Variants in DLG2 observed in about 807,000 individuals in gnomAD.
DLG2 encodes disks large homolog 2.
Under a neutral mutation model 132.5 loss-of-function variants are expected in DLG2, and 45 were observed. The observed-to-expected ratio is 0.34, with a 90% CI of 0.27 to 0.44. DLG2 has a LOEUF of 0.44. Among genes scored for constraint, DLG2 ranks in the 20% least tolerant of loss-of-function variants. DLG2 has a pLI of 1.00. For synonymous variants in DLG2, 424 were observed against 419.6 expected (o/e 1.01, Z -0.13); for missense variants, 1,045 against 1,196.9 (o/e 0.87, Z 1.87).
At chr11:84,098,721 TACCTAC>T (rs1161235354) in intron 10 of DLG2, among the ~76,000 whole-genome samples, 196 bp downstream of exon 10, 1 of 152,198 alleles carries the variant, frequency 6.6e-6, no homozygotes, top group Admixed American at 6.5e-5. Flanking sequence ...TTCAATGTGG[TACCTAC>T]CAACGAACAC....
intron 6 of DLG2, among the ~76,000 whole-genome samples, chr11:84,736,086 T>G (rs966213613): frequency 6.6e-6 from 1 of 151,914 alleles, no homozygotes; most frequent in Non-Finnish European, 1.5e-5. Context: ...TGATATGAGG[T>G]ATGGATCCAA....
At chr11:84,994,343 A>T (rs745758459) in intron 6 of DLG2, among the ~76,000 whole-genome samples, 3 of 152,218 alleles carry the variant, frequency 2.0e-5, no homozygotes, top group Non-Finnish European at 4.4e-5. Context: ...CATTCCTGTA[A>T]CACCAGAATT....
At chr11:85,149,922 T>C (rs72961546) in intron 5 of DLG2, among the ~76,000 whole-genome samples, 9,192 of 151,892 alleles carry the variant, frequency 0.061, 440 homozygotes, top group African/African-American at 0.13. Flanking sequence ...CTACTCTATA[T>C]TGCCTTTAAA....
intron 15 of DLG2, among the ~76,000 whole-genome samples, chr11:83,903,495 T>C (rs1473934249): frequency 6.6e-6 from 1 of 152,088 alleles, no homozygotes; most frequent in Non-Finnish European, 1.5e-5. Context: ...TCTCAGAAAA[T>C]GTTTCTGGTA....
intron 7 of DLG2, among the ~76,000 whole-genome samples, chr11:84,500,679 G>C (rs1330695668): frequency 1.3e-5 from 2 of 152,090 alleles, no homozygotes; most frequent in African/African-American, 4.8e-5. Context: ...TTTTGAATTG[G>C]AGACAAAAAA....
rs138661759 is a variant in DLG2 at position 84,536,111 on chromosome 11, G to C, written c.358-1380C>G. 7.4e-3 allele frequency among the ~76,000 whole-genome samples: 1,123 copies of C among 152,212 alleles called. 7 individuals carry two copies. The highest frequency in any genetic ancestry group is 0.011 in the Non-Finnish European group (749 of 68,008). On this transcript the variant is annotated intron_variant, in intron 6 of 27. Coordinates refer to ENST00000376104, the MANE Select transcript of DLG2 (RefSeq NM_001142699.3). ...ACTTATACTTTCTGGGGCAAGGTAGGCTTTCTTCAATGTCCCAAGTAATAT... is the reference window on the plus strand; with the variant it reads ...ACTTATACTTTCTGGGGCAAGGTAGCCTTTCTTCAATGTCCCAAGTAATAT...
intron 7 of DLG2, among the ~76,000 whole-genome samples, chr11:84,474,737 T>C (rs1221387468): frequency 1.2e-4 from 19 of 152,072 alleles, no homozygotes; most frequent in Admixed American, 1.2e-3. Flanking sequence ...ATTTTACAAC[T>C]ATGATCTTAT....
chr11:85,093,277 A>G (rs1246974788), intron 6 of DLG2, among the ~76,000 whole-genome samples: 1 of 150,544 alleles, frequency 6.6e-6, no homozygotes, highest in Non-Finnish European at 1.5e-5. Context: ...CAGAAGTCAT[A>G]CACAATTCAA....
At chr11:84,006,681 G>T (rs938227009) in intron 11 of DLG2, among the ~76,000 whole-genome samples, 32 of 151,198 alleles carry the variant, frequency 2.1e-4, no homozygotes, top group African/African-American at 7.8e-4. Context: ...TAAAGATATG[G>T]CAAATTATAT....
chr11:84,710,094 A>G (rs1036562066), intron 6 of DLG2, among the ~76,000 whole-genome samples: 2 of 151,914 alleles, frequency 1.3e-5, no homozygotes, highest in South Asian at 2.1e-4. Flanking sequence ...ATAACTTCCA[A>G]ATGAATAGCG....
intron 3 of DLG2, among the ~76,000 whole-genome samples, chr11:85,476,121 T>C (rs941938012): frequency 2.6e-5 from 4 of 152,168 alleles, no homozygotes; most frequent in African/African-American, 9.6e-5. Flanking sequence ...CTACATGGTA[T>C]AGCCTATCGC....
chr11:85,036,998 G>A (rs1221688932), intron 6 of DLG2, among the ~76,000 whole-genome samples: 1 of 152,184 alleles, frequency 6.6e-6, no homozygotes, highest in Non-Finnish European at 1.5e-5. Flanking sequence ...TCTGTGGAAT[G>A]TGATAAACAC....
intron 16 of DLG2, among the ~76,000 whole-genome samples, chr11:83,834,926 C>T (rs2055692875): frequency 6.6e-6 from 1 of 152,176 alleles, no homozygotes; most frequent in African/African-American, 2.4e-5. Flanking sequence ...TATTTTCCAG[C>T]TCTTAATGAT....
chr11:83,979,062 TA>T (rs930568263), intron 12 of DLG2, among the ~76,000 whole-genome samples: 1 of 152,102 alleles, frequency 6.6e-6, no homozygotes, highest in African/African-American at 2.4e-5. Flanking sequence ...AAGCCCTTTA[TA>T]AAAGAACATG....
chr11:84,080,552 A>G (rs1430415510), intron 10 of DLG2, among the ~76,000 whole-genome samples: 1 of 152,238 alleles, frequency 6.6e-6, no homozygotes, highest in Non-Finnish European at 1.5e-5. Context: ...TACATGTTAC[A>G]TTATTATTAT....
At chr11:85,584,792 A>G (rs2078857108) in intron 3 of DLG2, among the ~76,000 whole-genome samples, 1 of 152,126 alleles carries the variant, frequency 6.6e-6, no homozygotes, top group South Asian at 2.1e-4. Flanking sequence ...GGTCTTTTCC[A>G]TATCTTCTTT....
At chr11:83,596,128 A>G (rs1449658552) in intron 19 of DLG2, among the ~76,000 whole-genome samples, 1 of 152,222 alleles carries the variant, frequency 6.6e-6, no homozygotes, top group Admixed American at 6.5e-5. Flanking sequence ...AAAAACAACA[A>G]GATTTAAGAT....
intron 4 of DLG2, among the ~76,000 whole-genome samples, chr11:85,199,188 T>C (rs2081277352): frequency 6.6e-6 from 1 of 152,146 alleles, no homozygotes; most frequent in Non-Finnish European, 1.5e-5. Flanking sequence ...TGTGATATAT[T>C]TATATAATGT....
At chr11:84,746,879 G>C (rs888931615) in intron 6 of DLG2, among the ~76,000 whole-genome samples, 1 of 152,124 alleles carries the variant, frequency 6.6e-6, no homozygotes, top group East Asian at 1.9e-4. Context: ...AACTGTGGCA[G>C]TTCTAGACTT....
Sources: gnomAD v4.1 joint callset for allele counts (sites outside exome capture counted in the v4.1 genomes callset) on GRCh38, gnomAD v4.1.1 for gene constraint, MANE v1.5 for transcripts, NCBI Gene and HGNC (gene_info 2026-07-23, HGNC 2026-07-21) for gene names.